Variants in TUT1 observed in about 807,000 individuals in gnomAD.
TUT1 encodes speckle targeted PIP5K1A-regulated poly(A) polymerase.
A neutral mutation model predicts 48.8 loss-of-function variants in TUT1; 26 were observed. That is an observed-to-expected ratio of 0.53 (90% CI 0.39 to 0.74). The LOEUF is 0.74. Among genes scored for constraint, TUT1 ranks in the 30% least tolerant of loss-of-function variants. The pLI is 0.00. For missense variants in TUT1, 1,065 were observed against 1,114.8 expected, an observed-to-expected ratio of 0.96 and a Z score of 0.64; for synonymous variants, 470 against 460.8, an observed-to-expected ratio of 1.02 and a Z score of -0.26.
At chr11:62,585,271 T>G (rs1239448261) in intron 2 of TUT1, among the ~76,000 whole-genome samples, 1 of 152,064 alleles carries the variant, frequency 6.6e-6, no homozygotes, top group Non-Finnish European at 1.5e-5. Context: ...TAGGGGCACA[T>G]CACCATGCGC....
At chr11:62,586,259 A>G (rs1941913023) in intron 2 of TUT1, among the ~76,000 whole-genome samples, 1 of 152,270 alleles carries the variant, frequency 6.6e-6, no homozygotes, top group Non-Finnish European at 1.5e-5. Context: ...TCTGAGGCTC[A>G]TAAGACACCT....
chr11:62,581,648 C>T lies in TUT1; in HGVS notation c.327G>A (p.Leu109=). 2.0e-6 allele frequency: 3 copies of T among 1,521,250 alleles called. No homozygotes were observed. The highest frequency in any genetic ancestry group is 2.2e-5 in the Admixed American group (1 of 45,496). The allele number at this position is 1,521,250 out of a possible 1,614,324, so 94.2% of individuals were successfully genotyped here. A position where few individuals can be genotyped will look rare whatever the true frequency, so the allele number is the denominator to read the frequency against. ...CTCCCAGGCTGTGCTGGGACTGTGA[C>T]AAGACAGCCTCTCGAGCACCCACGT... The part of the protein sequence containing the change: ...MGDVGAREAV[L]SQSQHSLGGH... The change falls in exon 3 of 9, where the codon TTG becomes TTA. Residue 109 remains leucine (L), a synonymous_variant. Transcript: ENST00000476907.
At position 62,589,078 on chromosome 11, in the gene TUT1, A is replaced by G; in HGVS notation, c.226T>C (p.Phe76Leu). 1.2e-6 allele frequency: 2 copies of G among 1,614,142 alleles called. No homozygotes were observed. The highest frequency in any genetic ancestry group is 1.7e-6 in the Non-Finnish European group (2 of 1,179,998). The change falls in exon 2 of 9, where the codon TTC becomes CTC. Residue 76 changes from phenylalanine to leucine, a missense_variant. Physicochemically the swap from Phe to Leu is conservative, Grantham distance 22. Coordinates refer to ENST00000476907, the MANE Select transcript of TUT1 (RefSeq NM_022830.3). ...CTGGCCACAGGTCCAAATGCTAGGA[A>G]GTACTCAGAGAGCTGAGCAGAATCC... ...DVDSAQLSEY[F>L]LAFGPVASVV...
Position 62,578,662 on chromosome 11 carries a change from A to G in TUT1, c.1059T>C (p.Pro353=). The change falls in exon 5 of 9, where the codon CCT becomes CCC. Residue 353 remains proline, a synonymous_variant. Coordinates refer to ENST00000476907, the MANE Select transcript of TUT1 (RefSeq NM_022830.3). Reference sequence around the variant, plus strand: ...GCACAGTTTGGACTCGATACACCCCAGGGACACAGCCCCGGAGAATGGATC... The same window carrying G: ...GCACAGTTTGGACTCGATACACCCCGGGGACACAGCCCCGGAGAATGGATC... ...LVGSILRGCV[P]GVYRVQTVPS... 2 of 1,614,232 alleles carry G rather than the reference A, an allele frequency of 1.2e-6. No homozygotes were observed. The highest frequency in any genetic ancestry group is 1.7e-6 in the Non-Finnish European group (2 of 1,180,034).
chr11:62,576,772 A>T (rs1220512779), intron 7 of TUT1, 23 bp from the exon 8 acceptor site: 29 of 1,613,212 alleles, frequency 1.8e-5, no homozygotes, highest in Non-Finnish European at 2.5e-5. Flanking sequence ...ATAAGGTGAG[A>T]GTCAGTCTGG....
rs1022753635 is a variant in TUT1, at chr11:62,576,657, T to C, written c.1474A>G (p.Ser492Gly). ...CCTCTACCAGGCTCCCCAAACTCACTGAGGGGCTCCACATTTATGCTGGGC... is the reference window on the plus strand; with the variant it reads ...CCTCTACCAGGCTCCCCAAACTCACCGAGGGGCTCCACATTTATGCTGGGC... ...LEPSINVEPL[S>G]SLLAQFFSCV... The change falls in exon 8 of 9, where the codon AGT becomes GGT. Residue 492 changes from serine to glycine, a missense_variant and splice_region_variant. Transcript: ENST00000476907. The C allele has an allele frequency of 9.9e-6, 16 of 1,613,950 alleles. No homozygotes were observed. The highest frequency in any genetic ancestry group is 1.4e-5 in the Non-Finnish European group (16 of 1,179,936).
At chr11:62,586,869 T>TA (rs1191907786) in intron 2 of TUT1, among the ~76,000 whole-genome samples, 1 of 150,054 alleles carries the variant, frequency 6.7e-6, no homozygotes, top group Non-Finnish European at 1.5e-5. Flanking sequence ...CACACCCAGC[T>TA]AATTTTTGTA....
At position 62,579,038 on chromosome 11, in the gene TUT1, C is replaced by A. The variant is rs116766958; in HGVS notation, c.691-8G>T. 9 of 1,498,168 alleles carry A rather than the reference C, an allele frequency of 6.0e-6. No homozygotes were observed. In the African/African-American group the frequency reaches 1.3e-4, roughly 21 times the overall value. The allele number at this position is 1,498,168 out of a possible 1,614,324, so 92.8% of individuals were successfully genotyped here. A position where few individuals can be genotyped will look rare whatever the true frequency, so the allele number is the denominator to read the frequency against. Reference sequence around the variant, plus strand: ...TGGAGCCTTTGGGACTGGCTGTGGACAGAAATGAACTGAGTGAAATGTTTC... The same window carrying A: ...TGGAGCCTTTGGGACTGGCTGTGGAAAGAAATGAACTGAGTGAAATGTTTC... On this transcript the variant is annotated splice_polypyrimidine_tract_variant and splice_region_variant and intron_variant, in intron 4 of 8. Transcript: ENST00000476907.
chr11:62,578,873 G>A lies in TUT1; in HGVS notation c.848C>T (p.Ser283Phe), dbSNP rs775117627. The A allele has an allele frequency of 3.1e-6, 5 of 1,610,750 alleles. No homozygotes were observed. The South Asian group carries it at 3.3e-5, about 11-fold the overall frequency. The change falls in exon 5 of 9, where the codon TCC becomes TTC. Residue 283 changes from serine (S) to phenylalanine (F), a missense_variant. Physicochemically the swap from Ser to Phe is radical, Grantham distance 155 (BLOSUM62 -2). Transcript: ENST00000476907. The part of the protein sequence containing the change: ...SEALDFETPS[S>F]SLAPQTPDSA... ...GTCCGGAGTTTGGGGCGCCAGGGAGGAGGAAGGGGTTTCAAAGTCCAGGGC... is the reference window on the plus strand; with the variant it reads ...GTCCGGAGTTTGGGGCGCCAGGGAGAAGGAAGGGGTTTCAAAGTCCAGGGC...
chr11:62,586,622 T>C (rs1328241163), intron 2 of TUT1, among the ~76,000 whole-genome samples: 2 of 151,866 alleles, frequency 1.3e-5, no homozygotes, highest in African/African-American at 4.8e-5. Flanking sequence ...CTACTAAAAA[T>C]ACAAAAAATT....
In TUT1 at chr11:62,578,801, G is replaced by A. The variant is rs750472554; in HGVS notation, c.920C>T (p.Pro307Leu). 1 of 1,614,144 alleles carries A rather than the reference G, an allele frequency of 6.2e-7. No homozygotes were observed. Among genetic ancestry groups the A allele is most frequent in the Non-Finnish European group, 8.5e-7 (1 of 1,180,044 alleles). Residue 307 changes from proline to leucine, a missense_variant, in exon 5 of 9, where the codon CCA (proline) becomes CTA (leucine). Coordinates refer to ENST00000476907, the MANE Select transcript of TUT1 (RefSeq NM_022830.3). ...ETLASPQSLP[P>L]ASPLLEDREE... is the part of the protein sequence containing the mutation. ...CCTGTCCTCTAGCAGTGGTGAAGCT[G>A]GAGGCAGAGACTGGGGAGAAGCAAG...
intron 4 of TUT1, among the ~76,000 whole-genome samples, chr11:62,580,370 G>C (rs1941805134): frequency 6.6e-6 from 1 of 151,378 alleles, no homozygotes; most frequent in Admixed American, 6.6e-5. Flanking sequence ...TGAGGCACGA[G>C]AATCACTTGA....
At chr11:62,588,749 C>G (rs1014494891) in intron 2 of TUT1, among the ~76,000 whole-genome samples, 1 of 152,186 alleles carries the variant, frequency 6.6e-6, no homozygotes, top group Admixed American at 6.5e-5. Flanking sequence ...GGCTGGAGCA[C>G]AGTGGCACGA....
intron 2 of TUT1, among the ~76,000 whole-genome samples, chr11:62,588,348 G>C (rs1049968028): frequency 1.3e-5 from 2 of 152,184 alleles, no homozygotes; most frequent in Non-Finnish European, 2.9e-5. Flanking sequence ...GAGGTCAGGA[G>C]TTCGAGACCA....
At chr11:62,580,889 C>T (rs554163202) in intron 4 of TUT1, among the ~76,000 whole-genome samples, 8 of 152,142 alleles carry the variant, frequency 5.3e-5, no homozygotes, top group East Asian at 3.9e-4. Context: ...GGATTACAGG[C>T]GCGAGCCACT....
At chr11:62,591,147 T>C (rs571698652) in intron 1 of TUT1, among the ~76,000 whole-genome samples, 16 of 148,962 alleles carry the variant, frequency 1.1e-4, no homozygotes, top group Non-Finnish European at 2.1e-4. Context: ...ACAGAGCATA[T>C]GTCCAATAGA....
At chr11:62,577,433 T>A in intron 5 of TUT1, 142 bp from the exon 6 acceptor site, 1 of 672,704 alleles carries the variant, frequency 1.5e-6, no homozygotes, top group Non-Finnish European at 2.6e-6. Flanking sequence ...ACTGATCTTG[T>A]GAGACAGTGT....
chr11:62,590,494 G>A (rs972276911), intron 1 of TUT1, among the ~76,000 whole-genome samples: 2 of 152,122 alleles, frequency 1.3e-5, no homozygotes, highest in African/African-American at 4.8e-5. Context: ...AAAATTAGCC[G>A]GGCGTGGTGG....
At chr11:62,587,428 G>A (rs558207140) in intron 2 of TUT1, among the ~76,000 whole-genome samples, 42 of 151,846 alleles carry the variant, frequency 2.8e-4, no homozygotes, top group South Asian at 4.2e-4. Context: ...TGATCCACCC[G>A]CCCCAGCCTA....
Sources: gnomAD v4.1 joint callset for allele counts (sites outside exome capture counted in the v4.1 genomes callset) on GRCh38, gnomAD v4.1.1 for gene constraint, MANE v1.5 for transcripts, NCBI Gene and HGNC (gene_info 2026-07-23, HGNC 2026-07-21) for gene names.